MKRN2OS: variants seen among roughly 807,000 people sequenced by gnomAD.
The protein encoded by MKRN2OS is MKRN2 opposite strand.
MKRN2OS carries 17 observed loss-of-function variants against 18.2 expected under a neutral mutation model. The observed-to-expected ratio is 0.93, with a 90% CI of 0.64 to 1.40. The LOEUF is 1.40. MKRN2OS is among the 40% of genes most tolerant of loss of function. The pLI is 0.00. For missense variants in MKRN2OS, 337 were observed against 283.0 expected (o/e 1.19, Z -1.37); for synonymous variants, 121 against 108.5 (o/e 1.12, Z -0.72).
Position 12,540,314 on chromosome 3 carries a change from G to A in MKRN2OS, c.551C>T (p.Pro184Leu), listed in dbSNP as rs773153805. Residue 184 changes from proline to leucine, a missense_variant, in exon 4 of 4, where the codon CCG (proline) becomes CTG (leucine). Coordinates refer to ENST00000564146, the MANE Select transcript of MKRN2OS (RefSeq NM_001195279.2). ...GAACTTGGATGCCAGCCTTGTCCGCGGGACCACGTACTTCTCCGTAAATTC... is the reference window on the plus strand; with the variant it reads ...GAACTTGGATGCCAGCCTTGTCCGCAGGACCACGTACTTCTCCGTAAATTC... ...KGEFTEKYVV[P>L]RTRLASKFIT... 5.2e-6 allele frequency: 8 copies of A among 1,535,926 alleles called. No homozygotes were observed. The highest frequency in any genetic ancestry group is 1.4e-5 in the African/African-American group (1 of 73,002).
Position 12,559,196 on chromosome 3 carries a change from A to G in MKRN2OS, n.264+1561T>C, listed in dbSNP as rs74496576. 6.9e-3 allele frequency among the ~76,000 whole-genome samples: 1,045 copies of G among 152,352 alleles called. 6 individuals are homozygous for G. The highest frequency in any genetic ancestry group is 0.011 in the Non-Finnish European group (782 of 68,030). On this transcript the variant is annotated intron_variant and non_coding_transcript_variant, in intron 1 of 1. Transcript: ENST00000447550. ...ATGACTGCCTTGCCAAATAAAAAAC[A>G]TAACAGGTGTTTTAAGTGGGAAAAA... is the stretch of plus-strand genomic sequence containing the variant.
intron 1 of MKRN2OS, chr3:12,554,185 G>A (rs1044804940): frequency 6.6e-6 from 1 of 152,194 alleles, no homozygotes; most frequent in Non-Finnish European, 1.5e-5. Context: ...GCAGTTTTAC[G>A]CGCCCCTGCT....
intron 1 of MKRN2OS, chr3:12,557,214 C>T (rs778952966): frequency 8.5e-6 from 13 of 1,529,714 alleles, no homozygotes; most frequent in Non-Finnish European, 1.1e-5. Flanking sequence ...GGCCGCTCCC[C>T]CAGGCCGCAG....
At chr3:12,546,078 C>A (rs2125292043), upstream of MKRN2OS, among the ~76,000 whole-genome samples, 1 of 152,286 alleles carries the variant, frequency 6.6e-6, no homozygotes, top group South Asian at 2.1e-4. Flanking sequence ...ACGCATGAGC[C>A]ACTGCACCAA....
chr3:12,545,951 C>T (rs377108072), upstream of MKRN2OS, among the ~76,000 whole-genome samples: 6 of 152,180 alleles, frequency 3.9e-5, no homozygotes, highest in African/African-American at 1.4e-4. Context: ...GGACTACAGA[C>T]ACACGCCACT....
rs761969007 is a variant in MKRN2OS at position 12,541,937 on chromosome 3, G to A, written c.354C>T (p.Pro118=). Reference sequence around the variant, plus strand: ...ATTGCTCCATCATTCCATACATGTTGGGCTGCAGTAATGGGATGCTTATGC... The same window carrying A: ...ATTGCTCCATCATTCCATACATGTTAGGCTGCAGTAATGGGATGCTTATGC... ...EESISIPLLQ[P]NMYGMMEQWD... Residue 118 remains proline, a synonymous_variant, in exon 3 of 4, where the codon CCC becomes CCT. Coordinates refer to ENST00000564146, the MANE Select transcript of MKRN2OS (RefSeq NM_001195279.2). The A allele has an allele frequency of 3.3e-6, 5 of 1,535,872 alleles. No individual in the cohort carries two copies. The African/African-American group carries it at 5.5e-5, about 17-fold the overall frequency.
At position 12,542,037 on chromosome 3, in the gene MKRN2OS, CAA is replaced by C. The variant is rs1363745215; in HGVS notation, c.269-17_269-16del. On this transcript the variant is annotated splice_polypyrimidine_tract_variant and intron_variant, in intron 2 of 3. Coordinates refer to ENST00000564146, the MANE Select transcript of MKRN2OS (RefSeq NM_001195279.2). Reference sequence around the variant, plus strand: ...ATACACAACCCCTGCAAATCAAAACCAAAGTCATGTGGAGCCCCAAGGAAACA... The same window carrying C: ...ATACACAACCCCTGCAAATCAAAACCAGTCATGTGGAGCCCCAAGGAAACA... 5.9e-6 allele frequency: 9 copies of C among 1,528,522 alleles called. No individual in the cohort carries two copies. The highest frequency in any genetic ancestry group is 7.9e-6 in the Non-Finnish European group (9 of 1,141,564). The allele number at this position is 1,528,522 out of a possible 1,614,324, so 94.7% of individuals were successfully genotyped here.
intron 2 of MKRN2OS, among the ~76,000 whole-genome samples, chr3:12,542,727 A>AAAAC (rs1559380443): frequency 6.8e-6 from 1 of 147,504 alleles, no homozygotes. Context: ...AAAAAAAAAA[A>AAAAC]AAAAAAACAC....
At chr3:12,554,896 C>G (rs1253420336) in intron 1 of MKRN2OS, among the ~76,000 whole-genome samples, 1 of 152,040 alleles carries the variant, frequency 6.6e-6, no homozygotes, top group Non-Finnish European at 1.5e-5. Flanking sequence ...TTTGAAGAGG[C>G]GGGAACTAAA....
intron 1 of MKRN2OS, among the ~76,000 whole-genome samples, chr3:12,558,105 C>T (rs1180539414): frequency 6.6e-6 from 1 of 152,148 alleles, no homozygotes; most frequent in African/African-American, 2.4e-5. Flanking sequence ...TGCTTAAAAA[C>T]AGTTATAGAG....
chr3:12,545,843 G>A (rs1415872356), upstream of MKRN2OS, among the ~76,000 whole-genome samples: 2 of 152,152 alleles, frequency 1.3e-5, no homozygotes, highest in African/African-American at 4.8e-5. Flanking sequence ...GTCTCACTCT[G>A]TCACCCAAGC....
chr3:12,557,125 G>T (rs764540855), intron 1 of MKRN2OS: 1 of 1,490,760 alleles, frequency 6.7e-7, no homozygotes, highest in South Asian at 1.3e-5. Context: ...GCGGCGGCAC[G>T]ACGACGGTCC....
chr3:12,548,339 T>C (rs1187472006), upstream of MKRN2OS, among the ~76,000 whole-genome samples: 2 of 151,370 alleles, frequency 1.3e-5, no homozygotes, highest in Non-Finnish European at 2.9e-5. Flanking sequence ...TCCCAGCTAC[T>C]CGGGAGGCTG....
At chr3:12,541,791 G>A in intron 3 of MKRN2OS, 69 bp downstream of exon 3, 1 of 1,457,546 alleles carries the variant, frequency 6.9e-7, no homozygotes, top group South Asian at 1.3e-5. Flanking sequence ...TGTGAGCTGA[G>A]GCTACACGGG....
downstream of MKRN2OS, among the ~76,000 whole-genome samples, chr3:12,553,163 A>G (rs956978106): frequency 1.3e-5 from 2 of 152,186 alleles, no homozygotes; most frequent in Non-Finnish European, 2.9e-5. Context: ...AAGACTTCCA[A>G]ACTCATTTTA....
chr3:12,542,278 C>A (rs1215369335), intron 2 of MKRN2OS, among the ~76,000 whole-genome samples: 1 of 152,164 alleles, frequency 6.6e-6, no homozygotes, highest in South Asian at 2.1e-4. Flanking sequence ...CTGTTGAGGG[C>A]TGTGAAGTTG....
rs149159778 is a variant in MKRN2OS at position 12,541,880 on chromosome 3, C to T, written c.411G>A (p.Ser137=). Reference sequence around the variant, plus strand: ...TGTACCTGTGAGGCAGCCAGGCCCCCGAGGTGGAGAAGTCTTCCAGGTACT... The same window carrying T: ...TGTACCTGTGAGGCAGCCAGGCCCCTGAGGTGGAGAAGTCTTCCAGGTACT... ...WDKYLEDFST[S]GAWLPHRYED... is the part of the protein sequence containing the mutation. Residue 137 remains serine, a synonymous_variant, in exon 3 of 4, where the codon TCG becomes TCA. Coordinates refer to ENST00000564146, the MANE Select transcript of MKRN2OS (RefSeq NM_001195279.2). 1.2e-4 allele frequency: 177 copies of T among 1,535,842 alleles called. 1 individual carries two copies. The East Asian group carries it at 2.2e-3, about 20-fold the overall frequency.
At chr3:12,548,455 A>AAG (rs2057903359), upstream of MKRN2OS, among the ~76,000 whole-genome samples, 1 of 136,154 alleles carries the variant, frequency 7.3e-6, no homozygotes, top group Non-Finnish European at 1.6e-5. Flanking sequence ...CTCAAAAAAA[A>AAG]AAAAAAAAAA....
chr3:12,545,276 G>A lies in MKRN2OS; in HGVS notation c.189C>T (p.Leu63=). Residue 63 remains leucine (L), a synonymous_variant, in exon 1 of 4, where the codon CTC becomes CTT. Coordinates refer to ENST00000564146, the MANE Select transcript of MKRN2OS (RefSeq NM_001195279.2). ...GAAATGTCCCCTGAGTTGGTCTGAGGAGGAATGAACATTTTTCTTGATGTC... is the reference window on the plus strand; with the variant it reads ...GAAATGTCCCCTGAGTTGGTCTGAGAAGGAATGAACATTTTTCTTGATGTC... ...TNGHQEKCSF[L]LRPTQGTFLR... 1 of 1,535,970 alleles carries A rather than the reference G, an allele frequency of 6.5e-7. No individual in the cohort carries two copies. The highest frequency in any genetic ancestry group is 8.7e-7 in the Non-Finnish European group (1 of 1,146,816).
Sources: allele counts gnomAD v4.1 joint callset (sites outside exome capture counted in the v4.1 genomes callset), GRCh38; gene constraint gnomAD v4.1.1; transcripts MANE v1.5; gene names NCBI Gene and HGNC (gene_info 2026-07-23, HGNC 2026-07-21).